The following DRC9 variants were observed in gnomAD, a reference collection of about 807,000 sequenced individuals.
DRC9 encodes the protein dynein regulatory complex protein 9.
the DRC9 span, chr3:197,955,926 G>T: frequency 1.4e-6 from 1 of 690,128 alleles, no homozygotes; most frequent in Non-Finnish European, 2.6e-6. Flanking sequence ...AGAGACATGT[G>T]ATGAAAATTA....
the DRC9 span, chr3:197,958,826 C>T: frequency 6.6e-6 from 1 of 152,242 alleles, no homozygotes; most frequent in Non-Finnish European, 1.5e-5. Context: ...CAAAAGTACT[C>T]AAGTCACCGT....
chr3:197,950,952 A>C, the DRC9 span: 3 of 1,613,998 alleles, frequency 1.9e-6, no homozygotes, highest in Non-Finnish European at 2.5e-6. Context: ...TGGGAACGGG[A>C]CTTCTAAAAG....
the DRC9 span, among the ~76,000 whole-genome samples, chr3:197,944,543 G>A: frequency 6.6e-6 from 1 of 151,948 alleles, no homozygotes. Context: ...CTGCCTCCTG[G>A]GTTCACACCA....
the DRC9 span, chr3:197,889,464 T>C: frequency 5.0e-6 from 6 of 1,198,268 alleles, no homozygotes; most frequent in Non-Finnish European, 7.2e-6. Context: ...CCTGGGAAAG[T>C]CTCAATAGGA....
At chr3:197,941,601 C>T in the DRC9 span, among the ~76,000 whole-genome samples, 1 of 140,266 alleles carries the variant, frequency 7.1e-6, no homozygotes, top group Admixed American at 7.3e-5. Context: ...CACTCTGTCA[C>T]CCAGGTTGGC....
chr3:197,932,263 C>A, the DRC9 span: 12 of 1,612,628 alleles, frequency 7.4e-6, no homozygotes, highest in African/African-American at 1.3e-5. Context: ...AATCTTGCAA[C>A]TCCTTAATGG....
the DRC9 span, among the ~76,000 whole-genome samples, chr3:197,948,095 G>A: frequency 6.6e-6 from 1 of 151,900 alleles, no homozygotes; most frequent in South Asian, 2.1e-4. Context: ...AACACCCCTG[G>A]CTGATTTTTG....
the DRC9 span, chr3:197,954,065 G>A: frequency 4.3e-6 from 7 of 1,614,030 alleles, no homozygotes; most frequent in Non-Finnish European, 5.9e-6. Flanking sequence ...AAAGTAACTC[G>A]GGCCCATGGA....
the DRC9 span, among the ~76,000 whole-genome samples, chr3:197,924,413 A>C: frequency 5.3e-5 from 8 of 152,098 alleles, no homozygotes; most frequent in Non-Finnish European, 1.0e-4. Context: ...TAAATAAAAT[A>C]GTTTTCCAAC....
At chr3:197,953,195 T>G in the DRC9 span, among the ~76,000 whole-genome samples, 1 of 152,222 alleles carries the variant, frequency 6.6e-6, no homozygotes, top group Non-Finnish European at 1.5e-5. Context: ...GCCCCACCTT[T>G]TCTTCTACAG....
At chr3:197,944,804 C>G in the DRC9 span, among the ~76,000 whole-genome samples, 1 of 151,672 alleles carries the variant, frequency 6.6e-6, no homozygotes, top group South Asian at 2.1e-4. Flanking sequence ...TGGCCTTGAA[C>G]TCCTGACCTC....
At chr3:197,941,339 CCCTCT>C in the DRC9 span, among the ~76,000 whole-genome samples, 1 of 87,148 alleles carries the variant, frequency 1.1e-5, no homozygotes, top group Non-Finnish European at 2.0e-5. Context: ...TCTCTCTCTC[CCCTCT>C]GTCTCTTTCT....
the DRC9 span, among the ~76,000 whole-genome samples, chr3:197,911,486 CAAAT>C: frequency 1.1e-4 from 17 of 151,952 alleles, no homozygotes; most frequent in East Asian, 1.3e-3. Flanking sequence ...AAAAGTGTAA[CAAAT>C]AAACTGTGGC....
the DRC9 span, among the ~76,000 whole-genome samples, chr3:197,899,125 T>A: frequency 6.6e-6 from 1 of 152,262 alleles, no homozygotes; most frequent in East Asian, 1.9e-4. Context: ...AGATCAATAA[T>A]CCTTTTTTTA....
At chr3:197,946,574 A>T in the DRC9 span, among the ~76,000 whole-genome samples, 3 of 152,188 alleles carry the variant, frequency 2.0e-5, no homozygotes, top group Non-Finnish European at 1.5e-5. Context: ...CCTATGGAGA[A>T]GTTTGCGTTG....
At chr3:197,941,916 T>A in the DRC9 span, among the ~76,000 whole-genome samples, 4 of 152,196 alleles carry the variant, frequency 2.6e-5, no homozygotes, top group Non-Finnish European at 5.9e-5. Context: ...CCAGCTTAAA[T>A]TGTTAAGATT....
chr3:197,931,835 C>T, the DRC9 span, among the ~76,000 whole-genome samples: 1 of 151,988 alleles, frequency 6.6e-6, no homozygotes, highest in African/African-American at 2.4e-5. Flanking sequence ...CCGTGTTAGC[C>T]AGGATGGTCT....
chr3:197,902,533 AAAG>A, the DRC9 span, among the ~76,000 whole-genome samples: 3 of 152,116 alleles, frequency 2.0e-5, no homozygotes, highest in Non-Finnish European at 2.9e-5. Flanking sequence ...AAATAATTAA[AAAG>A]AAGCAGAAAC....
chr3:197,909,798 GCCTGACCAA>G, the DRC9 span, among the ~76,000 whole-genome samples: 1 of 152,170 alleles, frequency 6.6e-6, no homozygotes, highest in Non-Finnish European at 1.5e-5. Context: ...TTCAAGACCA[GCCTGACCAA>G]CATGGTGAAA....
Sources: allele counts gnomAD v4.1 joint callset (sites outside exome capture counted in the v4.1 genomes callset), GRCh38; gene constraint gnomAD v4.1.1; transcripts MANE v1.5; gene names NCBI Gene and HGNC (gene_info 2026-07-23, HGNC 2026-07-21).